The following EDNRB variants were observed in gnomAD, a reference collection of about 807,000 sequenced individuals.
EDNRB encodes endothelin receptor type B, also known as Hirschsprung disease 2.
In EDNRB, 18 loss-of-function variants were observed where a neutral mutation model predicts 46.4. The ratio of observed to expected loss-of-function variants is 0.39; its 90% CI spans 0.27 to 0.57. The LOEUF is 0.57. EDNRB is among the 20% of genes least tolerant of loss of function. EDNRB has a pLI of 0.61. For synonymous variants in EDNRB, 213 were observed against 204.9 expected (o/e 1.04, Z -0.34); for missense variants, 434 against 537.5 (o/e 0.81, Z 1.90).
Position 77,918,612 on chromosome 13 carries a change from G to C in EDNRB, c.-39C>G, listed in dbSNP as rs1879945423. 6.4e-7 allele frequency: 1 copy of C among 1,557,652 alleles called. No individual in the cohort carries two copies. The highest frequency in any genetic ancestry group is 1.4e-5 in the African/African-American group (1 of 72,904). On this transcript the variant is annotated 5_prime_UTR_variant, in exon 1 of 7. Transcript: ENST00000646607. The surrounding 1 kb of genome is among the most constrained non-coding windows in gnomAD (Gnocchi z 4.5). ...CCAGAAGGCGTCCGGTGGCCGCTCCGCAGTTTCAGAGCCTAGAGACAAGCA... is the reference window on the plus strand; with the variant it reads ...CCAGAAGGCGTCCGGTGGCCGCTCCCCAGTTTCAGAGCCTAGAGACAAGCA...
At chr13:77,929,248 A>G (rs1880320139) in intron 1 of EDNRB, among the ~76,000 whole-genome samples, 1 of 152,208 alleles carries the variant, frequency 6.6e-6, no homozygotes, top group African/African-American at 2.4e-5. Context: ...TACAAATAAG[A>G]GGACCAAAAT....
intron 1 of EDNRB, among the ~76,000 whole-genome samples, chr13:77,926,228 C>A (rs1349079368): frequency 6.6e-6 from 1 of 152,126 alleles, no homozygotes; most frequent in African/African-American, 2.4e-5. Flanking sequence ...ATTTCTGTAG[C>A]CGGCTTGAAT....
intron 3 of EDNRB, among the ~76,000 whole-genome samples, chr13:77,901,530 A>AT (rs1438494765): frequency 4.6e-5 from 7 of 151,998 alleles, no homozygotes; most frequent in African/African-American, 1.2e-4. Context: ...TCCTTAGAGT[A>AT]TTTTTTGTGT....
At chr13:77,912,518 T>C (rs1879622426) in intron 1 of EDNRB, among the ~76,000 whole-genome samples, 2 of 152,128 alleles carry the variant, frequency 1.3e-5, no homozygotes, top group South Asian at 2.1e-4. Context: ...TTCTTTTTCA[T>C]TTGGACATCA....
rs201847021 is a variant in EDNRB, at chr13:77,897,875, G to T, written c.*325C>A. The T allele has an allele frequency of 1.6e-5, 17 of 1,039,418 alleles. No homozygotes were observed. The African/African-American group carries it at 2.2e-4, about 14-fold the overall frequency. 64.4% of individuals were successfully genotyped at this position (1,039,418 alleles called of 1,614,324 possible). A position where few individuals can be genotyped will look rare whatever the true frequency, so the allele number is the denominator to read the frequency against. ...AATAAATCTCTTTTTAGAAAGAATA[G>T]AAATTCTGAGTGAGCTCATTTTTAA... is the stretch of plus-strand genomic sequence containing the variant. On this transcript the variant is annotated 3_prime_UTR_variant, in exon 7 of 7. Transcript: ENST00000646607.
chr13:77,939,776 T>A (rs1406108170), intron 1 of EDNRB: 1 of 152,062 alleles, frequency 6.6e-6, no homozygotes, highest in African/African-American at 2.4e-5. Flanking sequence ...GGTGGGTGGA[T>A]CACAAGGTCA....
intron 3 of EDNRB, among the ~76,000 whole-genome samples, chr13:77,902,718 C>T (rs777240783): frequency 3.9e-5 from 6 of 152,020 alleles, no homozygotes; most frequent in Non-Finnish European, 7.4e-5. Flanking sequence ...CTAGCTACAT[C>T]AGGGATAACA....
At chr13:77,934,645 G>A (rs2137657474) in intron 1 of EDNRB, among the ~76,000 whole-genome samples, 1 of 143,916 alleles carries the variant, frequency 6.9e-6, no homozygotes, top group East Asian at 2.3e-4. Context: ...CCAGTTCTGG[G>A]CAGGGGCAAA....
chr13:77,930,741 C>T (rs948541864), intron 1 of EDNRB, among the ~76,000 whole-genome samples: 5 of 152,190 alleles, frequency 3.3e-5, no homozygotes, highest in Non-Finnish European at 7.3e-5. Flanking sequence ...ATTGATATAT[C>T]TGCAATATGC....
At chr13:77,972,209 C>T (rs1316139266) in intron 1 of EDNRB, among the ~76,000 whole-genome samples, 1 of 152,156 alleles carries the variant, frequency 6.6e-6, no homozygotes, top group Non-Finnish European at 1.5e-5. Context: ...ACCATGCAGC[C>T]TACGCCTGGT....
upstream of EDNRB, among the ~76,000 whole-genome samples, chr13:77,924,409 T>G (rs1425619758): frequency 6.6e-6 from 1 of 152,148 alleles, no homozygotes; most frequent in Non-Finnish European, 1.5e-5. Context: ...CAGCAGATAA[T>G]GCAAAGCTGG....
At chr13:77,941,278 G>A (rs1168979879) in intron 1 of EDNRB, among the ~76,000 whole-genome samples, 1 of 152,142 alleles carries the variant, frequency 6.6e-6, no homozygotes, top group Non-Finnish European at 1.5e-5. Flanking sequence ...AGTGTGATAA[G>A]AATTAAGAAA....
intron 1 of EDNRB, among the ~76,000 whole-genome samples, chr13:77,928,275 T>G (rs1000786040): frequency 6.6e-6 from 1 of 152,200 alleles, no homozygotes; most frequent in South Asian, 2.1e-4. Flanking sequence ...TATACTATCA[T>G]CATATTTTAA....
intron 1 of EDNRB, among the ~76,000 whole-genome samples, chr13:77,962,839 T>C (rs1881467329): frequency 1.3e-5 from 2 of 152,212 alleles, no homozygotes; most frequent in African/African-American, 4.8e-5. Flanking sequence ...ATTGTCCCTG[T>C]TTGCAGATGA....
chr13:77,926,756 A>G (rs556810706), intron 1 of EDNRB, among the ~76,000 whole-genome samples: 70 of 152,234 alleles, frequency 4.6e-4, no homozygotes, highest in African/African-American at 1.6e-3. Context: ...GCTGTTACCA[A>G]TTTACTGTAT....
chr13:77,923,299 A>AT (rs1297321159), upstream of EDNRB, among the ~76,000 whole-genome samples: 2 of 152,144 alleles, frequency 1.3e-5, no homozygotes, highest in Non-Finnish European at 2.9e-5. Context: ...TTTCTTTGAC[A>AT]TATTTTTTTT....
intron 1 of EDNRB, among the ~76,000 whole-genome samples, chr13:77,972,425 T>C (rs972622831): frequency 7.2e-5 from 11 of 152,238 alleles, no homozygotes; most frequent in Non-Finnish European, 1.5e-4. Flanking sequence ...AATGAATGTA[T>C]GATTTTAGGA....
At chr13:77,900,299 C>T (rs544586208) in intron 5 of EDNRB, among the ~76,000 whole-genome samples, 73 of 151,970 alleles carry the variant, frequency 4.8e-4, no homozygotes, top group Middle Eastern at 6.8e-3. Context: ...CGCCTTGGCA[C>T]TCACTCATCA....
chr13:77,896,512 T>A lies in EDNRB; in HGVS notation c.*1688A>T. The A allele has an allele frequency of 6.3e-7, 1 of 1,580,110 alleles. No homozygotes were observed. Among genetic ancestry groups the A allele is most frequent in the Non-Finnish European group, 8.6e-7 (1 of 1,160,920 alleles). ...GTTTACTGTACCATCACATTCAATATTGACAGAAAACAACATTACTAGCTT... is the reference window on the plus strand; with the variant it reads ...GTTTACTGTACCATCACATTCAATAATGACAGAAAACAACATTACTAGCTT... On this transcript the variant is annotated 3_prime_UTR_variant, in exon 7 of 7. Coordinates refer to ENST00000646607, the MANE Select transcript of EDNRB (RefSeq NM_001122659.3).
Sources: gnomAD v4.1 joint callset for allele counts (sites outside exome capture counted in the v4.1 genomes callset) on GRCh38, gnomAD v4.1.1 for gene constraint, Gnocchi (gnomAD v3.1) non-coding constraint, MANE v1.5 for transcripts, NCBI Gene and HGNC (gene_info 2026-07-23, HGNC 2026-07-21) for gene names.